The following ZC3HC1 variants were observed in gnomAD, a reference collection of about 807,000 sequenced individuals.
ZC3HC1 encodes the protein zinc finger C3HC-type protein 1.
Under a neutral mutation model 61.9 loss-of-function variants are expected in ZC3HC1, and 38 were observed. That is an observed-to-expected ratio of 0.61 (90% confidence interval 0.47 to 0.81). The LOEUF is 0.81. ZC3HC1 is among the 30% of genes least tolerant of loss of function. ZC3HC1 has a pLI of 0.00. For synonymous variants in ZC3HC1, 213 were observed against 229.9 expected (o/e 0.93, Z 0.67); for missense variants, 554 against 622.7 (o/e 0.89, Z 1.17).
At chr7:130,029,718 T>C (rs1584572130) in intron 4 of ZC3HC1, among the ~76,000 whole-genome samples, 2 of 152,270 alleles carry the variant, frequency 1.3e-5, no homozygotes, top group South Asian at 2.1e-4. Context: ...TGTACTTCTA[T>C]ATATGTGTGA....
At chr7:130,036,822 G>T (rs1268770717) in intron 4 of ZC3HC1, 2 of 152,168 alleles carry the variant, frequency 1.3e-5, no homozygotes, top group Non-Finnish European at 2.9e-5. Flanking sequence ...GTCAAAGTGG[G>T]TGACCATAGA....
Position 130,045,342 on chromosome 7 carries a change from C to T in ZC3HC1, c.258+3691G>A, listed in dbSNP as rs533489052. 34 of 290,306 alleles carry T rather than the reference C, an allele frequency of 1.2e-4. 1 individual carries two copies. The highest frequency in any genetic ancestry group is 1.0e-3 in the South Asian group (33 of 32,312). 18.0% of individuals were successfully genotyped at this position (290,306 alleles called of 1,614,324 possible). Reference sequence around the variant, plus strand: ...ATGTAAGTCTTTCTGTCCTTGCACACAGGGAATAAAGTAGTGAAAAGCAGA... The same window carrying T: ...ATGTAAGTCTTTCTGTCCTTGCACATAGGGAATAAAGTAGTGAAAAGCAGA... On this transcript the variant is annotated intron_variant, in intron 2 of 9. Coordinates refer to ENST00000358303, the MANE Select transcript of ZC3HC1 (RefSeq NM_016478.5).
chr7:130,048,875 C>T, intron 2 of ZC3HC1, 158 bp downstream of exon 2: 4 of 471,720 alleles, frequency 8.5e-6, no homozygotes, highest in East Asian at 3.5e-5. Context: ...CTCAACTGTC[C>T]CTCTGAGTGA....
intron 2 of ZC3HC1, among the ~76,000 whole-genome samples, chr7:130,047,047 C>A (rs1186994143): frequency 6.6e-6 from 1 of 152,148 alleles, no homozygotes; most frequent in African/African-American, 2.4e-5. Context: ...ACTGCAACCT[C>A]CGCCTCCCAG....
intron 6 of ZC3HC1, among the ~76,000 whole-genome samples, chr7:130,025,497 C>T (rs1793858231): frequency 6.6e-6 from 1 of 151,732 alleles, no homozygotes; most frequent in South Asian, 2.1e-4. Context: ...AAAAGAACTT[C>T]CTTTCTATTT....
At chr7:130,050,444 C>CT (rs773046041) in intron 1 of ZC3HC1, 20 of 1,529,936 alleles carry the variant, frequency 1.3e-5, no homozygotes, top group Non-Finnish European at 1.5e-5. Flanking sequence ...TAAACTTACT[C>CT]TAAGACTCTC....
chr7:130,025,528 A>G (rs1563075377), intron 6 of ZC3HC1, among the ~76,000 whole-genome samples: 1 of 151,908 alleles, frequency 6.6e-6, no homozygotes, highest in East Asian at 2.0e-4. Context: ...AAAATAGAAA[A>G]GAGCTTATTT....
chr7:130,021,359 G>A (rs1293095073), intron 9 of ZC3HC1, among the ~76,000 whole-genome samples: 1 of 152,174 alleles, frequency 6.6e-6, no homozygotes, highest in Non-Finnish European at 1.5e-5. Flanking sequence ...ATCAGAAATT[G>A]TTACCAGCTA....
intron 5 of ZC3HC1, among the ~76,000 whole-genome samples, chr7:130,027,745 C>G (rs1793983339): frequency 6.6e-6 from 1 of 152,046 alleles, no homozygotes; most frequent in Non-Finnish European, 1.5e-5. Flanking sequence ...TCTCGAACTC[C>G]TGACCTCAGG....
chr7:130,049,749 A>C (rs931492876), intron 1 of ZC3HC1, among the ~76,000 whole-genome samples: 3 of 151,874 alleles, frequency 2.0e-5, no homozygotes, highest in African/African-American at 7.3e-5. Flanking sequence ...ACGGGGTTTC[A>C]CCATGTTGGT....
chr7:130,024,379 T>C lies in ZC3HC1; in HGVS notation c.904A>G (p.Ser302Gly). The change falls in exon 7 of 10, where the codon AGC (serine) becomes GGC (glycine). Residue 302 changes from serine to glycine, a missense_variant. Transcript: ENST00000358303. ...CCCTCAAGGCCTGGGATTGGGGAGC[T>C]GGTCAGGCCAAAGGATGCATCCAGG... ...TDLDASFGLT[S>G]SPIPGLEGRP... 6.2e-7 allele frequency: 1 copy of C among 1,614,104 alleles called. No individual in the cohort carries two copies. Among genetic ancestry groups the C allele is most frequent in the Non-Finnish European group, 8.5e-7 (1 of 1,180,018 alleles).
In ZC3HC1 at chr7:130,023,735, G is replaced by A; in HGVS notation, c.1021-12C>T. ...GGGCTCTTTTCAGCCTGAAGGAAAG[G>A]GGAGATAATGGAAGTACACGAATGA... On this transcript the variant is annotated splice_polypyrimidine_tract_variant and intron_variant, in intron 7 of 9. Coordinates refer to ENST00000358303, the MANE Select transcript of ZC3HC1 (RefSeq NM_016478.5). The surrounding 1 kb of genome is among the most constrained non-coding windows in gnomAD (Gnocchi z 4.2). 1 of 1,598,556 alleles carries A rather than the reference G, an allele frequency of 6.3e-7. No homozygotes were observed. Among genetic ancestry groups the A allele is most frequent in the African/African-American group, 1.3e-5 (1 of 74,726 alleles).
rs79563323 is a variant in ZC3HC1, at chr7:130,044,545, T to C, written c.259-3444A>G. On this transcript the variant is annotated intron_variant, in intron 2 of 9. Transcript: ENST00000358303. Reference sequence around the variant, plus strand: ...AAGGAACAACTGGAGTATCAAAATATATAATGATAGTAATGAATTATAACC... The same window carrying C: ...AAGGAACAACTGGAGTATCAAAATACATAATGATAGTAATGAATTATAACC... Among the ~76,000 whole-genome samples, 137 of 152,284 alleles carry C rather than the reference T, an allele frequency of 9.0e-4. No individual in the cohort carries two copies. In the East Asian group the frequency reaches 0.019, roughly 21 times the overall value.
intron 4 of ZC3HC1, among the ~76,000 whole-genome samples, chr7:130,030,107 GA>G (rs1230778019): frequency 6.6e-6 from 1 of 151,816 alleles, no homozygotes; most frequent in African/African-American, 2.4e-5. Flanking sequence ...AAAGGCAAAT[GA>G]TGAGTGCAGA....
At chr7:130,019,816 T>TG (rs1793554583) in intron 9 of ZC3HC1, among the ~76,000 whole-genome samples, 1 of 140,586 alleles carries the variant, frequency 7.1e-6, no homozygotes, top group African/African-American at 2.7e-5. Context: ...CAGGTTTTTT[T>TG]TTTTTTTTTT....
At chr7:130,032,801 A>C (rs1352654691) in intron 4 of ZC3HC1, among the ~76,000 whole-genome samples, 4 of 120,608 alleles carry the variant, frequency 3.3e-5, no homozygotes, top group Non-Finnish European at 7.0e-5. Flanking sequence ...GAAGGAAAGG[A>C]AGGGAAGGAA....
intron 9 of ZC3HC1, among the ~76,000 whole-genome samples, chr7:130,019,809 GTTTTTTTTTTTT>G (rs754542017): frequency 5.2e-5 from 5 of 95,798 alleles, no homozygotes; most frequent in Admixed American, 2.4e-4. Context: ...GCTTTCACAG[GTTTTTTTTTTTT>G]TTTTTTTTTT....
At chr7:130,040,497 CAAAAAA>C (rs35982469) in intron 3 of ZC3HC1, among the ~76,000 whole-genome samples, 3 of 44,178 alleles carry the variant, frequency 6.8e-5, no homozygotes, top group Non-Finnish European at 1.4e-4. Flanking sequence ...GACTCCGTCT[CAAAAAA>C]AAAAAAAAAA....
At chr7:130,018,852 T>A (rs529678240) in intron 9 of ZC3HC1, 120 bp from the exon 10 acceptor site, 2 of 819,680 alleles carry the variant, frequency 2.4e-6, no homozygotes, top group African/African-American at 1.7e-5. Flanking sequence ...TTTTGTAGTA[T>A]GCTATACATA....
Sources: gnomAD v4.1 joint callset for allele counts (sites outside exome capture counted in the v4.1 genomes callset) on GRCh38, gnomAD v4.1.1 for gene constraint, Gnocchi (gnomAD v3.1) non-coding constraint, MANE v1.5 for transcripts, NCBI Gene and HGNC (gene_info 2026-07-23, HGNC 2026-07-21) for gene names.